The following RHOBTB1 variants were observed in gnomAD, a reference collection of about 807,000 sequenced individuals.
RHOBTB1 encodes the protein rho-related BTB domain-containing protein 1.
In RHOBTB1, 40 loss-of-function variants were observed where a neutral mutation model predicts 71.6. The observed-to-expected ratio is 0.56, with a 90% CI of 0.43 to 0.73. The LOEUF (loss-of-function observed/expected upper bound fraction) is 0.73, where lower values mean the gene tolerates loss of function less well. Ranked by LOEUF, RHOBTB1 falls within the 30% of genes least tolerant of loss-of-function variation. The probability of loss-of-function intolerance (pLI) is 0.00; values close to 1 mark genes in which losing one functional copy is unlikely to be tolerated. For missense variants in RHOBTB1, 797 were observed against 894.0 expected, an observed-to-expected ratio of 0.89 and a Z score of 1.38; for synonymous variants, 319 against 334.9, an observed-to-expected ratio of 0.95 and a Z score of 0.52.
rs187157133 is a variant in RHOBTB1 at position 60,975,287 on chromosome 10, G to A, written c.-62+10558C>T. On this transcript the variant is annotated intron_variant, in intron 2 of 11. Coordinates refer to the RHOBTB1 transcript ENST00000357917. ...TGTTTTTAGGCCATGACAACCTAATGCATTTTTCTCTCACCAGGGACACAT... is the reference window on the plus strand; with the variant it reads ...TGTTTTTAGGCCATGACAACCTAATACATTTTTCTCTCACCAGGGACACAT... 4.2e-3 allele frequency among the ~76,000 whole-genome samples: 643 copies of A among 152,102 alleles called. 1 individual carries two copies. Among genetic ancestry groups the A allele is most frequent in the Non-Finnish European group, 7.1e-3 (481 of 67,946 alleles).
At chr10:60,922,830 C>G (rs1263064192) in intron 2 of RHOBTB1, among the ~76,000 whole-genome samples, 1 of 152,140 alleles carries the variant, frequency 6.6e-6, no homozygotes, top group African/African-American at 2.4e-5. Flanking sequence ...TCAACCAGAC[C>G]CTTTCAGTTT....
In RHOBTB1 at chr10:60,907,476, A is replaced by G. The variant is rs150791101; in HGVS notation, c.296+3411T>C. On this transcript the variant is annotated intron_variant, in intron 4 of 10. Coordinates refer to ENST00000337910, the MANE Select transcript of RHOBTB1 (RefSeq NM_014836.5). The stretch of plus-strand genomic sequence containing the variant: ...TTTAAAAGATCCAGAAAAGAGCTTC[A>G]AAAGTTCATCCAAAAGTGGATATAA... Among the ~76,000 whole-genome samples, 579 of 152,342 alleles carry G rather than the reference A, an allele frequency of 3.8e-3. 9 individuals are homozygous for G. Among genetic ancestry groups the G allele is most frequent in the African/African-American group, 0.013 (537 of 41,570 alleles).
chr10:60,941,954 C>T (rs1402860245), intron 1 of RHOBTB1, 100 bp from the exon 2 acceptor site: 1 of 151,854 alleles, frequency 6.6e-6, no homozygotes, highest in South Asian at 2.1e-4. Context: ...TCTTTTTCCC[C>T]CGAGAAAGGG....
chr10:60,973,628 T>C (rs140825971), intron 2 of RHOBTB1, among the ~76,000 whole-genome samples: 1 of 151,980 alleles, frequency 6.6e-6, no homozygotes, highest in African/African-American at 2.4e-5. Context: ...AGAAGGCCCA[T>C]GAAGCAATAC....
intron 4 of RHOBTB1, among the ~76,000 whole-genome samples, chr10:60,894,922 C>T (rs984972429): frequency 6.6e-6 from 1 of 152,130 alleles, no homozygotes; most frequent in African/African-American, 2.4e-5. Flanking sequence ...TTTTATGATA[C>T]AGCATGTGAG....
intron 1 of RHOBTB1, among the ~76,000 whole-genome samples, chr10:60,990,043 C>T (rs925839530): frequency 1.1e-4 from 16 of 140,156 alleles, no homozygotes; most frequent in East Asian, 2.1e-4. Context: ...AGTGCAGTGG[C>T]GCGATCTCGG....
chr10:60,871,962 G>A (rs2080810414), intron 10 of RHOBTB1: 3 of 620,424 alleles, frequency 4.8e-6, no homozygotes, highest in Admixed American at 2.8e-5. Flanking sequence ...AGGGCACCCT[G>A]GACTCTAGCC....
intron 2 of RHOBTB1, among the ~76,000 whole-genome samples, chr10:60,923,355 G>T (rs1198139125): frequency 6.6e-6 from 1 of 152,108 alleles, no homozygotes; most frequent in African/African-American, 2.4e-5. Flanking sequence ...TAAACTAATA[G>T]CAGATGAAAT....
intron 4 of RHOBTB1, among the ~76,000 whole-genome samples, chr10:60,902,212 G>A (rs1378201462): frequency 6.6e-6 from 1 of 152,176 alleles, no homozygotes. Context: ...TCTTCTGTGC[G>A]CCAGATGATT....
intron 2 of RHOBTB1, among the ~76,000 whole-genome samples, chr10:60,916,506 T>C (rs1252423915): frequency 6.6e-6 from 1 of 152,166 alleles, no homozygotes; most frequent in Non-Finnish European, 1.5e-5. Context: ...TATGAACCAA[T>C]AGTCAACAGA....
intron 1 of RHOBTB1, among the ~76,000 whole-genome samples, chr10:60,991,427 A>G (rs1308794088): frequency 3.8e-5 from 5 of 131,070 alleles, no homozygotes; most frequent in Admixed American, 2.5e-4. Flanking sequence ...GCCTTCCCTC[A>G]GTACTTTTTT....
chr10:60,961,520 T>C (rs1364700694), intron 2 of RHOBTB1, among the ~76,000 whole-genome samples: 1 of 152,084 alleles, frequency 6.6e-6, no homozygotes, highest in East Asian at 1.9e-4. Flanking sequence ...ATGTAGTAAA[T>C]ACAGCCTCAT....
intron 4 of RHOBTB1, among the ~76,000 whole-genome samples, chr10:60,903,884 A>G (rs1291195340): frequency 6.6e-6 from 1 of 152,214 alleles, no homozygotes; most frequent in Non-Finnish European, 1.5e-5. Flanking sequence ...AGTTCCATAA[A>G]TAATTAAAAC....
chr10:60,971,609 C>T (rs1411017666), intron 2 of RHOBTB1, among the ~76,000 whole-genome samples: 1 of 152,168 alleles, frequency 6.6e-6, no homozygotes, highest in Non-Finnish European at 1.5e-5. Context: ...AAAACCTTGA[C>T]AATACCATTC....
intron 2 of RHOBTB1, among the ~76,000 whole-genome samples, chr10:60,916,799 T>C (rs1434374559): frequency 6.6e-6 from 1 of 152,242 alleles, no homozygotes; most frequent in Non-Finnish European, 1.5e-5. Context: ...TTAAGGTTGT[T>C]AGTCAGCCGA....
chr10:60,975,393 T>C (rs1206390721), intron 2 of RHOBTB1, among the ~76,000 whole-genome samples: 2 of 152,106 alleles, frequency 1.3e-5, no homozygotes, highest in African/African-American at 2.4e-5. Flanking sequence ...CTGCCTGCAT[T>C]TGCCCTTTTG....
chr10:60,975,343 G>A (rs1211385036), intron 2 of RHOBTB1, among the ~76,000 whole-genome samples: 1 of 151,954 alleles, frequency 6.6e-6, no homozygotes, highest in Non-Finnish European at 1.5e-5. Context: ...TTGTGTTCCT[G>A]GCCCAGAATC....
the RHOBTB1 span, among the ~76,000 whole-genome samples, chr10:60,861,533 T>A: frequency 0.05 from 7,672 of 152,208 alleles, 515 homozygotes; most frequent in African/African-American, 0.16. Flanking sequence ...CTTAATCTTT[T>A]CATGGCTTTC....
At chr10:60,882,772 A>T (rs1481550834) in intron 7 of RHOBTB1, among the ~76,000 whole-genome samples, 4 of 152,050 alleles carry the variant, frequency 2.6e-5, no homozygotes, top group African/African-American at 4.8e-5. Context: ...AACTATAACC[A>T]CCTGTATTGT....
Sources: allele counts gnomAD v4.1 joint callset (sites outside exome capture counted in the v4.1 genomes callset), GRCh38; gene constraint gnomAD v4.1.1; transcripts MANE v1.5; gene names NCBI Gene and HGNC (gene_info 2026-07-23, HGNC 2026-07-21).